CHST9: variants seen among roughly 807,000 people sequenced by gnomAD.
The protein encoded by CHST9 is carbohydrate sulfotransferase 9, also known as GalNAc-4-sulfotransferase 2.
Under a neutral mutation model 44.4 loss-of-function variants are expected in CHST9, and 41 were observed. The observed-to-expected ratio is 0.92, with a 90% CI of 0.72 to 1.20. The LOEUF (loss-of-function observed/expected upper bound fraction) is 1.20, where lower values mean the gene tolerates loss of function less well. Ranked by LOEUF, CHST9 falls within the 50% of genes most tolerant of loss-of-function variation. CHST9 has a pLI of 0.00. For synonymous variants in CHST9, 171 were observed against 178.4 expected, an observed-to-expected ratio of 0.96 and a Z score of 0.33; for missense variants, 504 against 516.5, an observed-to-expected ratio of 0.98 and a Z score of 0.23.
At chr18:27,151,522 T>G (rs2058659336) in intron 1 of CHST9, among the ~76,000 whole-genome samples, 1 of 152,136 alleles carries the variant, frequency 6.6e-6, no homozygotes, top group African/African-American at 2.4e-5. Context: ...AATGGAGAAT[T>G]GAGTTTGCAG....
intron 2 of CHST9, among the ~76,000 whole-genome samples, chr18:27,071,812 TG>T (rs35627294): frequency 2.1e-3 from 314 of 152,210 alleles, no homozygotes; most frequent in East Asian, 0.016. Context: ...CAAAGGGCCT[TG>T]GGGGGGATCC....
chr18:27,031,485 C>T (rs1438191959), intron 3 of CHST9, among the ~76,000 whole-genome samples: 1 of 152,148 alleles, frequency 6.6e-6, no homozygotes, highest in Non-Finnish European at 1.5e-5. Flanking sequence ...AGCGCTGCAG[C>T]ATTCTGGCCA....
intron 1 of CHST9, among the ~76,000 whole-genome samples, chr18:27,144,390 A>G (rs1316835425): frequency 6.6e-6 from 1 of 152,142 alleles, no homozygotes; most frequent in African/African-American, 2.4e-5. Flanking sequence ...GGCAAAACCA[A>G]TTTTCAGGGC....
chr18:27,154,974 C>G lies in CHST9; in HGVS notation c.-96-12069G>C, dbSNP rs183261502. Among the ~76,000 whole-genome samples the G allele has an allele frequency of 1.2e-3, 187 of 151,354 alleles. 2 individuals carry two copies. Among genetic ancestry groups the G allele is most frequent in the Non-Finnish European group, 3.5e-4 (24 of 67,866 alleles). ...GTGCGCTCCTGTAATTCCAGCTACT[C>G]GGGAGGCAGAAGCATGAGAATCCCT... On this transcript the variant is annotated intron_variant, in intron 1 of 5. Transcript: ENST00000618847.
chr18:27,098,937 A>G (rs888368914), intron 2 of CHST9, among the ~76,000 whole-genome samples: 18 of 152,112 alleles, frequency 1.2e-4, no homozygotes, highest in African/African-American at 4.3e-4. Flanking sequence ...CACATTACTC[A>G]ACTTTGAACT....
intron 4 of CHST9, among the ~76,000 whole-genome samples, chr18:26,984,848 C>T (rs2145197434): frequency 6.6e-6 from 1 of 152,026 alleles, no homozygotes; most frequent in South Asian, 2.1e-4. Flanking sequence ...GTGAACAATG[C>T]CAAGTGTTAG....
chr18:26,994,677 C>A (rs545555824), intron 4 of CHST9, among the ~76,000 whole-genome samples: 2 of 152,202 alleles, frequency 1.3e-5, no homozygotes, highest in South Asian at 4.2e-4. Flanking sequence ...GCAACCTCTG[C>A]CTCCTGGGTT....
intron 1 of CHST9, among the ~76,000 whole-genome samples, chr18:27,184,709 G>A (rs568079930): frequency 6.6e-6 from 1 of 152,200 alleles, no homozygotes; most frequent in East Asian, 1.9e-4. Flanking sequence ...CAGACTGGCA[G>A]CAGAAACTAA....
chr18:27,039,687 AAAAT>A lies in CHST9; in HGVS notation c.160+8774_160+8777del, dbSNP rs780878761. Among the ~76,000 whole-genome samples the A allele has an allele frequency of 2.7e-3, 411 of 152,258 alleles. 2 individuals carry two copies. The highest frequency in any genetic ancestry group is 0.011 in the South Asian group (52 of 4,830). On this transcript the variant is annotated intron_variant, in intron 3 of 5. Coordinates refer to ENST00000618847, the MANE Select transcript of CHST9 (RefSeq NM_031422.6). ...TTTTATGTGTATTTTATAATTTTAA[AAAAT>A]AAATAAATAATTTTTAAAAATCATA...
At chr18:27,139,514 TAA>T (rs1292426665) in intron 2 of CHST9, among the ~76,000 whole-genome samples, 2 of 150,460 alleles carry the variant, frequency 1.3e-5, no homozygotes, top group Non-Finnish European at 3.0e-5. Flanking sequence ...TATATATATA[TAA>T]AAAATAAATG....
Position 26,931,050 on chromosome 18 carries a change from G to A in CHST9, c.240+13279C>T, listed in dbSNP as rs572489314. Among the ~76,000 whole-genome samples, 7 of 152,246 alleles carry A rather than the reference G, an allele frequency of 4.6e-5. No individual in the cohort carries two copies. The South Asian group carries it at 1.5e-3, about 32-fold the overall frequency. On this transcript the variant is annotated intron_variant, in intron 5 of 5. Coordinates refer to ENST00000618847, the MANE Select transcript of CHST9 (RefSeq NM_031422.6). ...CAATGCTAACCACAATAGCTGCAGGGACCTGGAAGGGGATTGTTGATGCAT... is the reference window on the plus strand; with the variant it reads ...CAATGCTAACCACAATAGCTGCAGGAACCTGGAAGGGGATTGTTGATGCAT...
intron 1 of CHST9, among the ~76,000 whole-genome samples, chr18:27,150,269 C>A (rs1598759785): frequency 6.6e-6 from 1 of 152,142 alleles, no homozygotes; most frequent in Non-Finnish European, 1.5e-5. Context: ...GGTACTAGTG[C>A]AGGCAAGAGA....
chr18:27,179,039 T>C (rs150360369), intron 1 of CHST9, among the ~76,000 whole-genome samples: 1 of 149,526 alleles, frequency 6.7e-6, no homozygotes, highest in African/African-American at 2.5e-5. Context: ...AATATGCACA[T>C]ATATACATAT....
chr18:27,036,671 G>C (rs1191937642), intron 3 of CHST9, among the ~76,000 whole-genome samples: 1 of 152,168 alleles, frequency 6.6e-6, no homozygotes, highest in African/African-American at 2.4e-5. Flanking sequence ...TGGGACCAAG[G>C]ACTGGGCCAC....
rs190559272 is a variant in CHST9 at position 26,909,846 on chromosome 18, G to C, written c.*6413C>G. The C allele has an allele frequency of 2.5e-3, 374 of 152,500 alleles. 1 individual carries two copies. Among genetic ancestry groups the C allele is most frequent in the Middle Eastern group, 9.0e-3 (3 of 334 alleles). The allele number at this position is 152,500 out of a possible 1,614,324, so 9.4% of individuals were successfully genotyped here. A position where few individuals can be genotyped will look rare whatever the true frequency, so the allele number is the denominator to read the frequency against. On this transcript the variant is annotated 3_prime_UTR_variant, in exon 6 of 6. Transcript: ENST00000618847. ...GTTGTCAGAGCATTAAGAAGCAAGAGAGTAGAATGTTACAGGGGGTGCTAC... is the reference window on the plus strand; with the variant it reads ...GTTGTCAGAGCATTAAGAAGCAAGACAGTAGAATGTTACAGGGGGTGCTAC...
intron 2 of CHST9, among the ~76,000 whole-genome samples, chr18:27,140,352 G>T (rs1329348697): frequency 1.3e-5 from 2 of 152,050 alleles, no homozygotes; most frequent in East Asian, 3.9e-4. Flanking sequence ...GTAAACATTT[G>T]GCACTTATTA....
At chr18:27,049,927 T>C (rs1415362515) in intron 2 of CHST9, among the ~76,000 whole-genome samples, 5 of 152,146 alleles carry the variant, frequency 3.3e-5, no homozygotes, top group Non-Finnish European at 7.4e-5. Flanking sequence ...TGTTTTGTGA[T>C]GTAGGCCCAC....
chr18:27,070,103 G>A (rs2057822968), intron 2 of CHST9, among the ~76,000 whole-genome samples: 1 of 152,144 alleles, frequency 6.6e-6, no homozygotes, highest in Admixed American at 6.5e-5. Flanking sequence ...TTAGGATAAT[G>A]CCCATTCAAG....
At chr18:27,099,073 A>G (rs1021930521) in intron 2 of CHST9, among the ~76,000 whole-genome samples, 1 of 152,194 alleles carries the variant, frequency 6.6e-6, no homozygotes, top group African/African-American at 2.4e-5. Context: ...CAAAGTCGAC[A>G]AAAATAAGCA....
Sources: gnomAD v4.1 joint callset for allele counts (sites outside exome capture counted in the v4.1 genomes callset) on GRCh38, gnomAD v4.1.1 for gene constraint, MANE v1.5 for transcripts, NCBI Gene and HGNC (gene_info 2026-07-23, HGNC 2026-07-21) for gene names.